SYT1: variants seen among roughly 807,000 people sequenced by gnomAD.
SYT1 encodes synaptotagmin-1.
Under a neutral mutation model 44.8 loss-of-function variants are expected in SYT1, and 8 were observed. The observed-to-expected ratio is 0.18, with a 90% CI of 0.10 to 0.32. SYT1 has a LOEUF of 0.32. SYT1 is among the 10% of genes least tolerant of loss of function. The probability of loss-of-function intolerance (pLI) is 1.00; values close to 1 mark genes in which losing one functional copy is unlikely to be tolerated. For missense variants in SYT1, 286 were observed against 509.3 expected, an observed-to-expected ratio of 0.56 and a Z score of 4.22; for synonymous variants, 154 against 188.8, an observed-to-expected ratio of 0.82 and a Z score of 1.51.
At chr12:79,353,336 T>G (rs552538269) in intron 8 of SYT1, among the ~76,000 whole-genome samples, 166 bp from the exon 9 acceptor site, 9 of 152,130 alleles carry the variant, frequency 5.9e-5, no homozygotes, top group Non-Finnish European at 1.2e-4. Context: ...GTTATCACTC[T>G]TGATACCTTA....
chr12:79,368,299 T>G (rs1020412095), intron 9 of SYT1, among the ~76,000 whole-genome samples: 14 of 152,268 alleles, frequency 9.2e-5, no homozygotes, highest in Middle Eastern at 3.4e-3. Context: ...GTCTATCATT[T>G]TTGGACATTT....
intron 3 of SYT1, among the ~76,000 whole-genome samples, chr12:79,207,694 A>T (rs1307098757): frequency 1.3e-5 from 2 of 152,230 alleles, no homozygotes; most frequent in Non-Finnish European, 2.9e-5. Flanking sequence ...ATCTAGAAAA[A>T]AATGACACTT....
chr12:78,945,558 T>G (rs1878610089), intron 1 of SYT1, among the ~76,000 whole-genome samples: 1 of 151,892 alleles, frequency 6.6e-6, no homozygotes, highest in Non-Finnish European at 1.5e-5. Context: ...ATTAGGCAAA[T>G]GTTTTCAAGC....
chr12:79,376,053 T>G (rs563165280), intron 9 of SYT1, among the ~76,000 whole-genome samples: 3 of 152,196 alleles, frequency 2.0e-5, no homozygotes, highest in African/African-American at 7.2e-5. Context: ...TTGAGCAAGT[T>G]CTCATTACAC....
chr12:79,296,822 A>G lies in SYT1; in HGVS notation c.642+586A>G, dbSNP rs187418601. 2.0e-5 allele frequency among the ~76,000 whole-genome samples: 3 copies of G among 152,306 alleles called. No individual in the cohort carries two copies. The East Asian group carries it at 5.8e-4, about 29-fold the overall frequency. On this transcript the variant is annotated intron_variant, in intron 7 of 10. Coordinates refer to ENST00000261205, the MANE Select transcript of SYT1 (RefSeq NM_005639.3). ...TGAGGCACCTCAGTTGACAAACAACAGAGAGATTCCAGCCATATAATATCT... is the reference window on the plus strand; with the variant it reads ...TGAGGCACCTCAGTTGACAAACAACGGAGAGATTCCAGCCATATAATATCT...
At chr12:79,073,794 C>T (rs1876449616) in intron 3 of SYT1, among the ~76,000 whole-genome samples, 1 of 152,130 alleles carries the variant, frequency 6.6e-6, no homozygotes, top group South Asian at 2.1e-4. Context: ...CCTCTGTCTA[C>T]CTGACTCTCT....
chr12:78,928,847 C>T (rs1026676026), intron 1 of SYT1, among the ~76,000 whole-genome samples: 7 of 151,882 alleles, frequency 4.6e-5, no homozygotes, highest in African/African-American at 7.3e-5. Context: ...TCAAACTGCA[C>T]GGTAACTAAA....
intron 8 of SYT1, among the ~76,000 whole-genome samples, chr12:79,303,793 C>T (rs986588559): frequency 1.3e-4 from 20 of 152,124 alleles, no homozygotes; most frequent in African/African-American, 4.6e-4. Flanking sequence ...ATGGTCAATT[C>T]CTTAGTACTT....
At chr12:79,050,556 G>T (rs889929285) in intron 3 of SYT1, among the ~76,000 whole-genome samples, 5 of 151,998 alleles carry the variant, frequency 3.3e-5, no homozygotes, top group Non-Finnish European at 7.4e-5. Context: ...TCATTCAGAT[G>T]CTCAGACATC....
chr12:78,910,003 A>G (rs1365572840), intron 1 of SYT1, among the ~76,000 whole-genome samples: 3 of 152,000 alleles, frequency 2.0e-5, no homozygotes, highest in Non-Finnish European at 4.4e-5. Context: ...CTCTGTTCAC[A>G]TATATCCAGC....
intron 2 of SYT1, among the ~76,000 whole-genome samples, chr12:78,995,566 T>C (rs1407706986): frequency 6.6e-6 from 1 of 152,228 alleles, no homozygotes; most frequent in African/African-American, 2.4e-5. Context: ...CTTTCATTTC[T>C]AGCAGCAAAG....
chr12:79,028,967 AAG>A (rs1014430034), intron 2 of SYT1, among the ~76,000 whole-genome samples: 8 of 151,316 alleles, frequency 5.3e-5, no homozygotes, highest in Non-Finnish European at 1.2e-4. Context: ...ATTATTTCAA[AAG>A]AGTCTTTTAT....
At chr12:79,061,993 A>G (rs942276022) in intron 3 of SYT1, among the ~76,000 whole-genome samples, 7 of 152,222 alleles carry the variant, frequency 4.6e-5, no homozygotes, top group Non-Finnish European at 8.8e-5. Context: ...TTAAAAAAGA[A>G]TCCTTTTATG....
intron 8 of SYT1, among the ~76,000 whole-genome samples, chr12:79,340,446 C>T (rs534998351): frequency 2.6e-5 from 4 of 151,978 alleles, no homozygotes; most frequent in South Asian, 2.1e-4. Flanking sequence ...TGAATGGGAG[C>T]TCACTCATGA....
At chr12:79,437,548 T>G (rs1247279836) in intron 9 of SYT1, among the ~76,000 whole-genome samples, 1 of 152,190 alleles carries the variant, frequency 6.6e-6, no homozygotes, top group Non-Finnish European at 1.5e-5. Context: ...CCTTATCGTA[T>G]AGCATATGGG....
rs374598604 is a variant in SYT1, at chr12:79,231,655, C to G, written c.166+13970C>G. ...TTGATTTAGTCATATTGTTCAATGCCTTGAAGGTAAAATGTTATTTTAATG... is the reference window on the plus strand; with the variant it reads ...TTGATTTAGTCATATTGTTCAATGCGTTGAAGGTAAAATGTTATTTTAATG... On this transcript the variant is annotated intron_variant, in intron 4 of 10. Coordinates refer to ENST00000261205, the MANE Select transcript of SYT1 (RefSeq NM_005639.3). Among the ~76,000 whole-genome samples the G allele has an allele frequency of 3.2e-4, 48 of 152,036 alleles. 1 individual carries two copies. The South Asian group carries it at 1.0e-2, about 32-fold the overall frequency.
At chr12:78,969,480 G>T (rs1868324599) in intron 1 of SYT1, among the ~76,000 whole-genome samples, 1 of 152,172 alleles carries the variant, frequency 6.6e-6, no homozygotes, top group Admixed American at 6.5e-5. Context: ...TGGGCTTCAG[G>T]AATGACCAAT....
chr12:78,936,921 G>C (rs1169050574), intron 1 of SYT1, among the ~76,000 whole-genome samples: 2 of 152,112 alleles, frequency 1.3e-5, no homozygotes, highest in African/African-American at 4.8e-5. Flanking sequence ...TGAAACTTAG[G>C]CTTCTACCCT....
intron 1 of SYT1, among the ~76,000 whole-genome samples, chr12:78,927,253 G>A (rs1832547964): frequency 6.6e-6 from 1 of 151,996 alleles, no homozygotes; most frequent in African/African-American, 2.4e-5. Flanking sequence ...CTCTGTCCTT[G>A]ATGCTGGAGG....
Sources: gnomAD v4.1 joint callset for allele counts (sites outside exome capture counted in the v4.1 genomes callset) on GRCh38, gnomAD v4.1.1 for gene constraint, MANE v1.5 for transcripts, NCBI Gene and HGNC (gene_info 2026-07-23, HGNC 2026-07-21) for gene names.